EPRS1: variants seen among roughly 807,000 people sequenced by gnomAD.
EPRS1 encodes bifunctional glutamate/proline--tRNA ligase.
EPRS1 carries 107 observed loss-of-function variants against 188.3 expected under a neutral mutation model. The ratio of observed to expected loss-of-function variants is 0.57; its 90% confidence interval spans 0.49 to 0.67. EPRS1 has a LOEUF of 0.67. EPRS1 is among the 30% of genes least tolerant of loss of function. The pLI is 0.00. For synonymous variants in EPRS1, 596 were observed against 593.1 expected, an observed-to-expected ratio of 1.00 and a Z score of -0.07; for missense variants, 1,577 against 1,802.2, an observed-to-expected ratio of 0.88 and a Z score of 2.26.
At chr1:219,981,482 C>T in intron 23 of EPRS1, 25 bp from the exon 24 acceptor site, 2 of 1,509,004 alleles carry the variant, frequency 1.3e-6, no homozygotes, top group South Asian at 1.2e-5. Context: ...AAAATAGAGA[C>T]AGTCATTTAA....
rs777502737 is a variant in EPRS1, at chr1:220,018,994, C to A, written c.1434+1G>T. 1 of 1,604,422 alleles carries A rather than the reference C, an allele frequency of 6.2e-7. No individual in the cohort carries two copies. The highest frequency in any genetic ancestry group is 1.3e-5 in the African/African-American group (1 of 74,634). ...AAGCTGGAAAAGAAACTGTAACGCA[C>A]CTGAGCAGCAATAAACTGTTTCAGT... On this transcript the variant is annotated splice_donor_variant, in intron 11 of 31. Coordinates refer to ENST00000366923, the MANE Select transcript of EPRS1 (RefSeq NM_004446.3). LOFTEE classifies it high-confidence loss of function.
Position 220,046,397 on chromosome 1 carries a change from G to C in EPRS1, c.-9C>G, listed in dbSNP as rs2102604359. On this transcript the variant is annotated 5_prime_UTR_variant, in exon 1 of 32. Transcript: ENST00000366923. ...AGAGAGAGCGTCGCCATCTCCACCAGTCCGCTGGTCCACCTGTCAGTACGC... is the reference window on the plus strand; with the variant it reads ...AGAGAGAGCGTCGCCATCTCCACCACTCCGCTGGTCCACCTGTCAGTACGC... 8.1e-6 allele frequency: 13 copies of C among 1,613,902 alleles called. No homozygotes were observed. Among genetic ancestry groups the C allele is most frequent in the Non-Finnish European group, 1.1e-5 (13 of 1,179,880 alleles).
rs1035625713 is a variant in EPRS1 at position 219,970,282 on chromosome 1, T to C, written c.4324-1160A>G. Among the ~76,000 whole-genome samples, 8 of 152,308 alleles carry C rather than the reference T, an allele frequency of 5.3e-5. No individual in the cohort carries two copies. In the South Asian group the frequency reaches 1.7e-3, roughly 32 times the overall value. On this transcript the variant is annotated intron_variant, in intron 30 of 31. Transcript: ENST00000366923. ...AAAGTTGTGAATAATCTCCACATAT[T>C]AGAAATACAGTGTAAAGCAGCTGAA...
At chr1:220,038,241 C>T (rs1336895548) in intron 2 of EPRS1, among the ~76,000 whole-genome samples, 1 of 151,806 alleles carries the variant, frequency 6.6e-6, no homozygotes, top group Admixed American at 6.6e-5. Context: ...CACAACCATG[C>T]CCGGCAAGTT....
In EPRS1 at chr1:219,988,791, C is replaced by T. The variant is rs150873925; in HGVS notation, c.2574G>A (p.Leu858=). 1 of 1,610,938 alleles carries T rather than the reference C, an allele frequency of 6.2e-7. No homozygotes were observed. The highest frequency in any genetic ancestry group is 8.5e-7 in the Non-Finnish European group (1 of 1,177,810). Residue 858 remains leucine (L), a synonymous_variant, in exon 19 of 32, where the codon CTG becomes CTA. Coordinates refer to ENST00000366923, the MANE Select transcript of EPRS1 (RefSeq NM_004446.3). ...AKINEAVECL[L]SLKAQYKEKT... Reference sequence around the variant, plus strand: ...TTTCTTTATACTGAGCCTTCAGGGACAGTAAGCATTCTACAGCTTCATTTA... The same window carrying T: ...TTTCTTTATACTGAGCCTTCAGGGATAGTAAGCATTCTACAGCTTCATTTA...
At chr1:220,027,427 C>CA (rs35659781) in intron 6 of EPRS1, among the ~76,000 whole-genome samples, 68 of 138,196 alleles carry the variant, frequency 4.9e-4, no homozygotes, top group Non-Finnish European at 6.5e-4. Flanking sequence ...GACTCCATCT[C>CA]AAAAAAAAAA....
At chr1:219,985,048 A>ATT (rs1366203628) in intron 20 of EPRS1, among the ~76,000 whole-genome samples, 1 of 149,670 alleles carries the variant, frequency 6.7e-6, no homozygotes, top group Non-Finnish European at 1.5e-5. Context: ...CCGTCTCAAA[A>ATT]GAAAAAAAAA....
intron 12 of EPRS1, among the ~76,000 whole-genome samples, chr1:220,017,024 C>T (rs533055155): frequency 2.6e-5 from 4 of 151,920 alleles, no homozygotes; most frequent in East Asian, 1.9e-4. Flanking sequence ...ACCAGCCTGG[C>T]GAACACAGTA....
At position 219,980,781 on chromosome 1, in the gene EPRS1, G is replaced by A; in HGVS notation, c.3530C>T (p.Ala1177Val). 6.2e-7 allele frequency: 1 copy of A among 1,612,466 alleles called. No individual in the cohort carries two copies. Among genetic ancestry groups the A allele is most frequent in the East Asian group, 2.2e-5 (1 of 44,866 alleles). Reference sequence around the variant, plus strand: ...CTCTTCCGCTGCCTCTTCCATGGTAGCAAAAGCACTGTGCCCTTCCTGCCA... The same window carrying A: ...CTCTTCCGCTGCCTCTTCCATGGTAACAAAAGCACTGTGCCCTTCCTGCCA... ...FLWQEGHSAF[A>V]TMEEAAEEVL... Residue 1177 changes from alanine to valine, a missense_variant, in exon 25 of 32, where the codon GCT (alanine) becomes GTT (valine). This residue lies in a region of EPRS1 where 1,278 missense variants were observed against 1,457.4 expected (regional missense o/e 0.88). Transcript: ENST00000366923.
chr1:219,992,665 G>A (rs537192003), intron 18 of EPRS1, among the ~76,000 whole-genome samples: 26 of 152,322 alleles, frequency 1.7e-4, no homozygotes, highest in African/African-American at 5.8e-4. Flanking sequence ...AGTGGCTCAC[G>A]CCTGTAATCC....
Position 219,980,826 on chromosome 1 carries a change from A to T in EPRS1, c.3485T>A (p.Leu1162Gln). The stretch of plus-strand genomic sequence containing the variant: ...CTGCCAAAGAAATTCACGAGTACGT[A>T]GGAAAGGCTGAGGATGCTTGAATTC... ...RWEFKHPQPF[L>Q]RTREFLWQEG... is the part of the protein sequence containing the mutation. Residue 1162 changes from leucine (L) to glutamine (Q), a missense_variant, in exon 25 of 32, where the codon CTA (leucine) becomes CAA (glutamine). Leu to Gln is a moderately radical substitution (Grantham distance 113). This residue lies in a region of EPRS1 where 1,278 missense variants were observed against 1,457.4 expected (regional missense o/e 0.88). Transcript: ENST00000366923. 1 of 1,613,300 alleles carries T rather than the reference A, an allele frequency of 6.2e-7. No homozygotes were observed. The highest frequency in any genetic ancestry group is 8.5e-7 in the Non-Finnish European group (1 of 1,179,588).
intron 30 of EPRS1, among the ~76,000 whole-genome samples, chr1:219,970,235 G>A (rs1660638641): frequency 6.6e-6 from 1 of 152,152 alleles, no homozygotes; most frequent in Admixed American, 6.5e-5. Context: ...AATATTCCTG[G>A]AGAGTTAATG....
chr1:220,005,680 A>C (rs955150683), intron 15 of EPRS1, among the ~76,000 whole-genome samples: 1 of 152,210 alleles, frequency 6.6e-6, no homozygotes, highest in Non-Finnish European at 1.5e-5. Flanking sequence ...GGTGAAAGGC[A>C]TGCTGGCGTA....
intron 16 of EPRS1, among the ~76,000 whole-genome samples, chr1:220,004,631 C>T (rs1312102489): frequency 9.9e-5 from 15 of 152,038 alleles, no homozygotes; most frequent in Admixed American, 7.9e-4. Context: ...ATTTTGAACA[C>T]GTTGAGTTTG....
At chr1:219,999,367 T>C (rs1661300567) in intron 17 of EPRS1, among the ~76,000 whole-genome samples, 1 of 152,094 alleles carries the variant, frequency 6.6e-6, no homozygotes, top group Admixed American at 6.6e-5. Flanking sequence ...TTTTTGACTT[T>C]CCTCCCACCA....
chr1:219,997,969 C>T (rs910907360), intron 17 of EPRS1, among the ~76,000 whole-genome samples: 2 of 152,052 alleles, frequency 1.3e-5, no homozygotes, highest in African/African-American at 4.8e-5. Context: ...TTACAGGTAT[C>T]TATTTGTGTA....
chr1:220,026,538 G>GT (rs544380389), intron 6 of EPRS1, among the ~76,000 whole-genome samples: 178 of 147,250 alleles, frequency 1.2e-3, no homozygotes, highest in East Asian at 9.5e-3. Context: ...TGTTTTGTTT[G>GT]TTTTTTTTTT....
chr1:220,000,674 T>A (rs994613421), intron 17 of EPRS1, among the ~76,000 whole-genome samples: 3 of 152,126 alleles, frequency 2.0e-5, no homozygotes, highest in Admixed American at 2.0e-4. Context: ...CATAAGCAAA[T>A]CATTCTTAAG....
At chr1:220,006,344 A>G (rs1190466725) in intron 14 of EPRS1, 31 bp from the exon 15 acceptor site, 1 of 997,066 alleles carries the variant, frequency 1.0e-6, no homozygotes, top group Admixed American at 2.3e-5. Flanking sequence ...ATTCAAAGAA[A>G]TATTAACCAC....
Sources: allele counts gnomAD v4.1 joint callset (sites outside exome capture counted in the v4.1 genomes callset), GRCh38; gene constraint gnomAD v4.1.1; regional missense constraint gnomAD v4.1.1; transcripts MANE v1.5; gene names NCBI Gene and HGNC (gene_info 2026-07-23, HGNC 2026-07-21).